Variants in LGALS3 observed in about 807,000 individuals in gnomAD.
LGALS3 encodes galectin 3.
A neutral mutation model predicts 20.7 loss-of-function variants in LGALS3; 18 were observed. The observed-to-expected ratio is 0.87, with a 90% CI of 0.60 to 1.29. LGALS3 has a LOEUF of 1.29. Ranked by LOEUF, LGALS3 falls within the 50% of genes most tolerant of loss-of-function variation. LGALS3 has a pLI of 0.00. For synonymous variants in LGALS3, 112 were observed against 119.6 expected, an observed-to-expected ratio of 0.94 and a Z score of 0.42; for missense variants, 315 against 314.7, an observed-to-expected ratio of 1.00 and a Z score of -0.01.
At chr14:55,135,711 T>C (rs945394439) in intron 1 of LGALS3, among the ~76,000 whole-genome samples, 2 of 151,902 alleles carry the variant, frequency 1.3e-5, no homozygotes, top group Admixed American at 6.6e-5. Context: ...AACACAGGCA[T>C]GCGCCACCAC....
At position 55,138,279 on chromosome 14, in the gene LGALS3, G is replaced by A. The variant is rs553318361; in HGVS notation, c.253G>A (p.Gly85Ser). Residue 85 changes from glycine (G) to serine (S), a missense_variant, in exon 3 of 6, where the codon GGC becomes AGC. Gly to Ser is a moderately conservative substitution (Grantham distance 56). Coordinates refer to ENST00000254301, the MANE Select transcript of LGALS3 (RefSeq NM_002306.4). ...APGVYPGPPS[G>S]PGAYPSSGQP... ...TGGAGTCTACCCAGGGCCACCCAGCGGCCCTGGGGCCTACCCATCTTCTGG... is the reference window on the plus strand; with the variant it reads ...TGGAGTCTACCCAGGGCCACCCAGCAGCCCTGGGGCCTACCCATCTTCTGG... 1.4e-5 allele frequency: 23 copies of A among 1,612,756 alleles called. No individual in the cohort carries two copies. The highest frequency in any genetic ancestry group is 8.0e-5 in the African/African-American group (6 of 75,020).
chr14:55,144,404 A>G (rs1239735402), intron 5 of LGALS3, among the ~76,000 whole-genome samples: 1 of 152,148 alleles, frequency 6.6e-6, no homozygotes, highest in Non-Finnish European at 1.5e-5. Flanking sequence ...TTTGCCTCCC[A>G]AAGTGTTGGG....
chr14:55,140,394 T>G, intron 4 of LGALS3, 31 bp downstream of exon 4: 2 of 1,390,074 alleles, frequency 1.4e-6, no homozygotes, highest in Non-Finnish European at 2.0e-6. Context: ...AAGTCTACTC[T>G]ATTTGTAGAT....
intron 1 of LGALS3, among the ~76,000 whole-genome samples, chr14:55,130,561 G>GTT (rs1393570245): frequency 1.6e-5 from 2 of 125,376 alleles, no homozygotes; most frequent in Non-Finnish European, 3.6e-5. Context: ...GTTTACCTAA[G>GTT]GTTTTTTTTT....
Position 55,145,222 on chromosome 14 carries a change from G to C in LGALS3, c.704G>C (p.Gly235Ala), listed in dbSNP as rs1322465283. The C allele has an allele frequency of 6.2e-7, 1 of 1,613,742 alleles. No individual in the cohort carries two copies. Among genetic ancestry groups the C allele is most frequent in the South Asian group, 1.1e-5 (1 of 91,072 alleles). ...VKKLNEISKLGISGDIDLTSA... is the reference protein window; with the variant it reads ...VKKLNEISKLAISGDIDLTSA... ...AAACTCAATGAAATCAGCAAACTGG[G>C]AATTTCTGGTGACATAGACCTCACC... The change falls in exon 6 of 6, where the codon GGA (glycine) becomes GCA (alanine). Residue 235 changes from glycine (G) to alanine (A), a missense_variant. Gly to Ala is a moderately conservative substitution (Grantham distance 60). Coordinates refer to ENST00000254301, the MANE Select transcript of LGALS3 (RefSeq NM_002306.4).
intron 4 of LGALS3, among the ~76,000 whole-genome samples, chr14:55,142,037 A>G (rs1253989457): frequency 6.6e-6 from 1 of 152,236 alleles, no homozygotes; most frequent in African/African-American, 2.4e-5. Flanking sequence ...TACTATCATG[A>G]CTTTACAACT....
At chr14:55,131,425 C>T (rs148016254) in intron 1 of LGALS3, among the ~76,000 whole-genome samples, 1 of 152,140 alleles carries the variant, frequency 6.6e-6, no homozygotes, top group Non-Finnish European at 1.5e-5. Flanking sequence ...CCTCATTAGC[C>T]AGACTCTAAA....
At chr14:55,142,229 A>G (rs2140296291) in intron 4 of LGALS3, among the ~76,000 whole-genome samples, 1 of 152,312 alleles carries the variant, frequency 6.6e-6, no homozygotes, top group Middle Eastern at 3.4e-3. Flanking sequence ...CATTATCTAT[A>G]GTAAGGGATA....
chr14:55,144,969 G>C, intron 5 of LGALS3, 147 bp from the exon 6 acceptor site: 1 of 650,494 alleles, frequency 1.5e-6, no homozygotes, highest in East Asian at 2.6e-5. Context: ...AGACTGGTTT[G>C]AAATTAATGG....
chr14:55,133,757 G>C (rs1463910995), intron 1 of LGALS3, among the ~76,000 whole-genome samples: 1 of 152,174 alleles, frequency 6.6e-6, no homozygotes, highest in Non-Finnish European at 1.5e-5. Flanking sequence ...GATTTGGTTA[G>C]ATTGGAAAAT....
intron 1 of LGALS3, among the ~76,000 whole-genome samples, chr14:55,132,325 C>G (rs1881256683): frequency 1.3e-5 from 2 of 151,260 alleles, no homozygotes; most frequent in Non-Finnish European, 2.9e-5. Flanking sequence ...TCCCCTCTGA[C>G]TGTTCAAAAT....
intron 2 of LGALS3, 112 bp downstream of exon 2, chr14:55,137,503 C>T (rs1881442763): frequency 6.2e-7 from 1 of 1,607,794 alleles, no homozygotes; most frequent in African/African-American, 1.3e-5. Context: ...CGTGGCTTCC[C>T]CTGGACTCAT....
At chr14:55,132,881 A>G (rs2140288511) in intron 1 of LGALS3, among the ~76,000 whole-genome samples, 1 of 152,320 alleles carries the variant, frequency 6.6e-6, no homozygotes, top group South Asian at 2.1e-4. Context: ...ATGCTTTTCA[A>G]AAAAGAAATC....
At chr14:55,138,550 A>C in intron 3 of LGALS3, 182 bp downstream of exon 3, 1 of 761,784 alleles carries the variant, frequency 1.3e-6, no homozygotes, top group Non-Finnish European at 2.4e-6. Context: ...ACAGAAGGTA[A>C]TGAGTATTTT....
chr14:55,137,220 T>G, intron 1 of LGALS3, 150 bp from the exon 2 acceptor site: 1 of 799,166 alleles, frequency 1.3e-6, no homozygotes, highest in Non-Finnish European at 2.2e-6. Flanking sequence ...CCCTGCCCCT[T>G]GAAGAGATGT....
At chr14:55,141,954 A>C (rs2140296142) in intron 4 of LGALS3, among the ~76,000 whole-genome samples, 1 of 152,354 alleles carries the variant, frequency 6.6e-6, no homozygotes. Context: ...CTCCAGGGAG[A>C]AGGAACAGGG....
chr14:55,141,407 G>C (rs1207883984), intron 4 of LGALS3, among the ~76,000 whole-genome samples: 1 of 152,096 alleles, frequency 6.6e-6, no homozygotes, highest in Non-Finnish European at 1.5e-5. Context: ...ACCTTATCCT[G>C]TGCACACAGC....
At chr14:55,133,716 T>G (rs1881300348) in intron 1 of LGALS3, among the ~76,000 whole-genome samples, 1 of 152,196 alleles carries the variant, frequency 6.6e-6, no homozygotes, top group African/African-American at 2.4e-5. Context: ...ACAGTGGAAA[T>G]GCAACGAGAT....
chr14:55,133,782 T>C (rs148967547), intron 1 of LGALS3, among the ~76,000 whole-genome samples: 1 of 152,340 alleles, frequency 6.6e-6, no homozygotes, highest in East Asian at 1.9e-4. Flanking sequence ...TAAACATGCT[T>C]GAGCAGAGGC....
Sources: allele counts gnomAD v4.1 joint callset (sites outside exome capture counted in the v4.1 genomes callset), GRCh38; gene constraint gnomAD v4.1.1; transcripts MANE v1.5; gene names NCBI Gene and HGNC (gene_info 2026-07-23, HGNC 2026-07-21).